CDH4: variants seen among roughly 807,000 people sequenced by gnomAD.
CDH4 encodes the protein cadherin-4.
In CDH4, 33 loss-of-function variants were observed where a neutral mutation model predicts 86.0. That is an observed-to-expected ratio of 0.38 (90% CI 0.29 to 0.51). The LOEUF is 0.51. CDH4 is among the 20% of genes least tolerant of loss of function. CDH4 has a pLI of 0.86. For synonymous variants in CDH4, 555 were observed against 549.4 expected (o/e 1.01, Z -0.14); for missense variants, 1,114 against 1,307.4 (o/e 0.85, Z 2.28).
At chr20:61,793,119 C>T (rs1347880027) in intron 4 of CDH4, among the ~76,000 whole-genome samples, 3 of 152,086 alleles carry the variant, frequency 2.0e-5, no homozygotes, top group East Asian at 1.9e-4. Context: ...CCTGCCACTA[C>T]GCCCAACTAA....
At chr20:61,346,304 C>T (rs6015957) in intron 2 of CDH4, among the ~76,000 whole-genome samples, 30,215 of 152,020 alleles carry the variant, frequency 0.2, 3,002 homozygotes, top group Middle Eastern at 0.35. Flanking sequence ...AGAATCAGTG[C>T]ATGGTTGGTG....
In CDH4 at chr20:61,694,581, A is replaced by G. The variant is rs558797260; in HGVS notation, c.170-48982A>G. On this transcript the variant is annotated intron_variant, in intron 2 of 15. Coordinates refer to ENST00000614565, the MANE Select transcript of CDH4 (RefSeq NM_001794.5). ...ACCTTGGGGATGCCAGGGCTCACCCAAGATAATGAGCACACTTGGAGGAAG... is the reference window on the plus strand; with the variant it reads ...ACCTTGGGGATGCCAGGGCTCACCCGAGATAATGAGCACACTTGGAGGAAG... Among the ~76,000 whole-genome samples, 13 of 152,336 alleles carry G rather than the reference A, an allele frequency of 8.5e-5. No homozygotes were observed. In the South Asian group the frequency reaches 2.3e-3, roughly 27 times the overall value.
At chr20:61,483,684 C>T (rs1223389298) in intron 2 of CDH4, among the ~76,000 whole-genome samples, 20 of 149,372 alleles carry the variant, frequency 1.3e-4, no homozygotes, top group African/African-American at 2.5e-4. Flanking sequence ...CCCCCCGCCC[C>T]GCCCCCGCTG....
chr20:61,261,052 C>G (rs1024973531), intron 2 of CDH4, among the ~76,000 whole-genome samples: 108 of 152,334 alleles, frequency 7.1e-4, no homozygotes, highest in African/African-American at 2.5e-3. Context: ...CCACTTGCCC[C>G]TGTGTGCAGC....
At chr20:61,898,842 G>A (rs965333808) in intron 8 of CDH4, among the ~76,000 whole-genome samples, 1 of 152,206 alleles carries the variant, frequency 6.6e-6, no homozygotes, top group Non-Finnish European at 1.5e-5. Flanking sequence ...TGCCATGGGT[G>A]GTGCCCAGAC....
chr20:61,730,617 C>G (rs2088167610), intron 2 of CDH4, among the ~76,000 whole-genome samples: 1 of 152,232 alleles, frequency 6.6e-6, no homozygotes, highest in African/African-American at 2.4e-5. Flanking sequence ...GGAAGGCAGG[C>G]CCAGCGCCTG....
chr20:61,845,127 A>G lies in CDH4; in HGVS notation c.732+304A>G, dbSNP rs577223918. Among the ~76,000 whole-genome samples the G allele has an allele frequency of 1.7e-4, 26 of 152,306 alleles. No homozygotes were observed. In the South Asian group the frequency reaches 5.2e-3, roughly 30 times the overall value. ...CTACTGGTCCAGAAGGCCTCCATCC[A>G]CGTGGTCTTCTGCTTTGGATGGCTC... On this transcript the variant is annotated intron_variant, in intron 5 of 15. Transcript: ENST00000614565.
At chr20:61,595,431 G>A (rs912506956) in intron 2 of CDH4, among the ~76,000 whole-genome samples, 23 of 152,302 alleles carry the variant, frequency 1.5e-4, no homozygotes, top group Middle Eastern at 3.4e-3. Context: ...TGTTGACTGC[G>A]GGATCCTTCC....
intron 2 of CDH4, among the ~76,000 whole-genome samples, chr20:61,375,118 CAT>C (rs1416526924): frequency 4.6e-5 from 7 of 152,218 alleles, no homozygotes; most frequent in Non-Finnish European, 8.8e-5. Flanking sequence ...ACCCCAACCA[CAT>C]GTTTGGGCAC....
chr20:61,282,207 A>C (rs1213797343), intron 2 of CDH4, among the ~76,000 whole-genome samples: 2 of 152,082 alleles, frequency 1.3e-5, no homozygotes, highest in Non-Finnish European at 2.9e-5. Flanking sequence ...AAAAATGTAA[A>C]AATTATCCAG....
chr20:61,785,071 C>T (rs866538785), intron 4 of CDH4, among the ~76,000 whole-genome samples: 20 of 152,266 alleles, frequency 1.3e-4, no homozygotes, highest in South Asian at 4.1e-4. Context: ...TCCCCAAAGG[C>T]GGGGTCAGGA....
chr20:61,870,413 C>T (rs1450871565), intron 6 of CDH4, among the ~76,000 whole-genome samples: 2 of 152,216 alleles, frequency 1.3e-5, no homozygotes, highest in South Asian at 2.1e-4. Flanking sequence ...CCCGAGAGAC[C>T]GTCATTCTCA....
intron 2 of CDH4, among the ~76,000 whole-genome samples, chr20:61,354,549 A>G (rs1600895098): frequency 6.6e-6 from 1 of 152,160 alleles, no homozygotes; most frequent in Non-Finnish European, 1.5e-5. Context: ...GAGGGGAGAG[A>G]GAAGAGACTT....
chr20:61,599,963 G>A (rs991270798), intron 2 of CDH4: 30 of 984,098 alleles, frequency 3.0e-5, no homozygotes, highest in Non-Finnish European at 3.3e-5. Context: ...CCACAGAGAA[G>A]CTGCTGCTGC....
chr20:61,580,975 A>G (rs1283258048), intron 2 of CDH4, among the ~76,000 whole-genome samples: 1 of 152,238 alleles, frequency 6.6e-6, no homozygotes, highest in Non-Finnish European at 1.5e-5. Flanking sequence ...GTCCTGAAGC[A>G]TGGATTCCAG....
chr20:61,812,907 G>A (rs569989523), intron 4 of CDH4, among the ~76,000 whole-genome samples: 5 of 152,258 alleles, frequency 3.3e-5, no homozygotes, highest in African/African-American at 1.2e-4. Context: ...AATCACAGCC[G>A]CCTGGTAACA....
chr20:61,575,420 A>T (rs78280302), intron 2 of CDH4, among the ~76,000 whole-genome samples: 1 of 152,338 alleles, frequency 6.6e-6, no homozygotes, highest in East Asian at 1.9e-4. Context: ...TGTCAGATTC[A>T]GTGACACATT....
chr20:61,547,134 C>G (rs893817378), intron 2 of CDH4, among the ~76,000 whole-genome samples: 1 of 151,764 alleles, frequency 6.6e-6, no homozygotes, highest in Non-Finnish European at 1.5e-5. Flanking sequence ...TCAAACTCCC[C>G]AAGACCCCCA....
intron 2 of CDH4, among the ~76,000 whole-genome samples, chr20:61,445,259 C>G (rs933546553): frequency 1.3e-5 from 2 of 152,144 alleles, no homozygotes; most frequent in African/African-American, 2.4e-5. Flanking sequence ...ATCCAGGAAC[C>G]AAGAGGCCTG....
Sources: allele counts gnomAD v4.1 joint callset (sites outside exome capture counted in the v4.1 genomes callset), GRCh38; gene constraint gnomAD v4.1.1; transcripts MANE v1.5; gene names NCBI Gene and HGNC (gene_info 2026-07-23, HGNC 2026-07-21).